Variants in PCDHGA2 observed in about 807,000 individuals in gnomAD.
The protein encoded by PCDHGA2 is protocadherin gamma-A2.
A neutral mutation model predicts 59.2 loss-of-function variants in PCDHGA2; 40 were observed. The observed-to-expected ratio is 0.68, with a 90% CI of 0.52 to 0.88. The LOEUF is 0.88. PCDHGA2 is among the 40% of genes least tolerant of loss of function. The pLI, the probability that PCDHGA2 is intolerant of heterozygous loss-of-function variation, is 0.00. For missense variants in PCDHGA2, 1,226 were observed against 1,204.0 expected (o/e 1.02, Z -0.27); for synonymous variants, 560 against 526.0 (o/e 1.06, Z -0.89).
At chr5:141,408,524 G>A (rs1589673864) in intron 1 of PCDHGA2, 3 of 1,614,080 alleles carry the variant, frequency 1.9e-6, no homozygotes, top group Non-Finnish European at 1.7e-6. Context: ...GCAATTGGAA[G>A]CTGTGGTGGA....
rs780843098 is a variant in PCDHGA2 at position 141,431,185 on chromosome 5, T to C, written c.2425-63622T>C. On this transcript the variant is annotated intron_variant, in intron 1 of 3. Coordinates refer to ENST00000394576, the MANE Select transcript of PCDHGA2 (RefSeq NM_018915.4). The surrounding 1 kb of genome is among the most constrained non-coding windows in gnomAD (Gnocchi z 4.8). ...GTGAAAGTGAATTAGAAATAAAAAT[T>C]AGTGAAAATGCAGCCACTGAGATGC... The C allele has an allele frequency of 3.1e-6, 5 of 1,613,982 alleles. No homozygotes were observed. The highest frequency in any genetic ancestry group is 4.2e-6 in the Non-Finnish European group (5 of 1,180,016).
At chr5:141,413,844 C>A in intron 1 of PCDHGA2, 2 of 1,613,254 alleles carry the variant, frequency 1.2e-6, no homozygotes, top group Non-Finnish European at 1.7e-6. Context: ...ACGGGGGTGA[C>A]CCTCTCCGAT....
chr5:141,371,309 A>T (rs1046676611), intron 1 of PCDHGA2: 4 of 1,613,894 alleles, frequency 2.5e-6, no homozygotes, highest in African/African-American at 1.3e-5. Flanking sequence ...CCACTATTGG[A>T]GAACTGGACT....
At chr5:141,430,220 G>A (rs1216694883) in intron 1 of PCDHGA2, among the ~76,000 whole-genome samples, 1 of 148,674 alleles carries the variant, frequency 6.7e-6, no homozygotes, top group Non-Finnish European at 1.5e-5. Flanking sequence ...TATATTATAT[G>A]ATTTGTCAAA....
rs775132338 is a variant in PCDHGA2 at position 141,490,858 on chromosome 5, G to A, written c.2425-3949G>A. On this transcript the variant is annotated intron_variant, in intron 1 of 3. Coordinates refer to ENST00000394576, the MANE Select transcript of PCDHGA2 (RefSeq NM_018915.4). This position sits in a 1 kb window ranked among gnomAD's most constrained non-coding sequence, Gnocchi z 5.4. Reference sequence around the variant, plus strand: ...GATTGTGGTGGGGGTTCGAGACTCCGGCTCTCCCCCATTGCATGCCAACAC... The same window carrying A: ...GATTGTGGTGGGGGTTCGAGACTCCAGCTCTCCCCCATTGCATGCCAACAC... 14 of 1,613,704 alleles carry A rather than the reference G, an allele frequency of 8.7e-6. No homozygotes were observed. Among genetic ancestry groups the A allele is most frequent in the South Asian group, 2.2e-5 (2 of 91,068 alleles).
intron 1 of PCDHGA2, chr5:141,478,308 T>A: frequency 6.2e-7 from 1 of 1,614,050 alleles, no homozygotes; most frequent in Non-Finnish European, 8.5e-7. Context: ...CGAGCCCCGG[T>A]GAGCTCACTG....
At chr5:141,506,252 C>T (rs1158047426) in intron 3 of PCDHGA2, among the ~76,000 whole-genome samples, 1 of 151,968 alleles carries the variant, frequency 6.6e-6, no homozygotes, top group African/African-American at 2.4e-5. Flanking sequence ...AGTTCGAAAC[C>T]GGCCTGGCCA....
chr5:141,362,663 G>A, intron 1 of PCDHGA2: 1 of 1,339,920 alleles, frequency 7.5e-7, no homozygotes. Flanking sequence ...TTTGGCCAAT[G>A]TTGTGCCTTA....
rs996153387 is a variant in PCDHGA2, at chr5:141,491,985, G to A, written c.2425-2822G>A. 24 of 743,298 alleles carry A rather than the reference G, an allele frequency of 3.2e-5. No homozygotes were observed. Among genetic ancestry groups the A allele is most frequent in the Non-Finnish European group, 4.5e-5 (22 of 494,254 alleles). 46.0% of individuals were successfully genotyped at this position (743,298 alleles called of 1,614,324 possible). On this transcript the variant is annotated intron_variant, in intron 1 of 3. Transcript: ENST00000394576. The surrounding 1 kb of genome is among the most constrained non-coding windows in gnomAD (Gnocchi z 6.9). ...AGGCCGGGGCCTCCTTCGAGCTTCC[G>A]GTGAATTTCGGGCGATTTCCGCGGG...
In PCDHGA2 at chr5:141,487,135, A is replaced by T; in HGVS notation, c.2425-7672A>T. 6.2e-7 allele frequency: 1 copy of T among 1,613,544 alleles called. No individual in the cohort carries two copies. The highest frequency in any genetic ancestry group is 8.5e-7 in the Non-Finnish European group (1 of 1,179,856). ...TGGTAAAGGATAGTGGTAGTCCACC[A>T]CTCTCTACCTCTGTTACTCTCTTAG... On this transcript the variant is annotated intron_variant, in intron 1 of 3. Transcript: ENST00000394576. The surrounding 1 kb of genome is among the most constrained non-coding windows in gnomAD (Gnocchi z 5.0).
chr5:141,452,654 T>C (rs2098746449), intron 1 of PCDHGA2, among the ~76,000 whole-genome samples: 1 of 151,162 alleles, frequency 6.6e-6, no homozygotes, highest in Non-Finnish European at 1.5e-5. Context: ...ATTTGCTCCA[T>C]CCACTGCACT....
At position 141,498,971 on chromosome 5, in the gene PCDHGA2, G is replaced by GGGAAGGAAGGAA. The variant is rs201769957; in HGVS notation, c.2483+4152_2483+4163dup. On this transcript the variant is annotated intron_variant, in intron 2 of 3. Coordinates refer to ENST00000394576, the MANE Select transcript of PCDHGA2 (RefSeq NM_018915.4). ...AAAAAGAGAGAGAGGGAGGGAGGGA[G>GGGAAGGAAGGAA]GGAAGGAAGGAAGGAAGGAAGGAAG... 6.8e-3 allele frequency among the ~76,000 whole-genome samples: 758 copies of GGGAAGGAAGGAA among 111,036 alleles called. 12 individuals are homozygous for GGGAAGGAAGGAA. Among genetic ancestry groups the GGGAAGGAAGGAA allele is most frequent in the African/African-American group, 0.021 (585 of 27,816 alleles). 72.8% of individuals were successfully genotyped at this position (111,036 alleles called of 152,430 possible). A position where few individuals can be genotyped will look rare whatever the true frequency, so the allele number is the denominator to read the frequency against.
chr5:141,383,085 C>G (rs773972778), intron 1 of PCDHGA2: 15 of 1,613,862 alleles, frequency 9.3e-6, no homozygotes, highest in Non-Finnish European at 1.3e-5. Context: ...TGGCGGAGCG[C>G]GGAGTCCGCA....
In PCDHGA2 at chr5:141,423,756, G is replaced by A. The variant is rs544048105; in HGVS notation, c.2425-71051G>A. 1.6e-5 allele frequency: 7 copies of A among 448,620 alleles called. 1 individual carries two copies. Among genetic ancestry groups the A allele is most frequent in the Non-Finnish European group, 2.1e-5 (7 of 329,706 alleles). 27.8% of individuals were successfully genotyped at this position (448,620 alleles called of 1,614,324 possible). A position where few individuals can be genotyped will look rare whatever the true frequency, so the allele number is the denominator to read the frequency against. ...GCCTGTTATGAAAACTGTTTGGGGG[G>A]GGGGTGGGGCGGCATATATTTAGTT... On this transcript the variant is annotated intron_variant, in intron 1 of 3. Coordinates refer to ENST00000394576, the MANE Select transcript of PCDHGA2 (RefSeq NM_018915.4).
chr5:141,393,917 C>T (rs1429211009), intron 1 of PCDHGA2: 12 of 1,613,806 alleles, frequency 7.4e-6, no homozygotes, highest in Non-Finnish European at 1.7e-6. Context: ...TAATTGCCTT[C>T]TTGAGTGTGC....
chr5:141,350,458 T>TAG, intron 1 of PCDHGA2: 3 of 1,613,374 alleles, frequency 1.9e-6, no homozygotes, highest in Non-Finnish European at 2.5e-6. Flanking sequence ...AACTGCGGGT[T>TAG]AGTGCAGAGG....
At chr5:141,381,835 T>C (rs1342005630) in intron 1 of PCDHGA2, among the ~76,000 whole-genome samples, 58 of 141,162 alleles carry the variant, frequency 4.1e-4, no homozygotes, top group African/African-American at 1.5e-3. Context: ...TCTTTTTTTT[T>C]TTTTTTTTTT....
At chr5:141,439,124 CAG>C (rs2098089371) in intron 1 of PCDHGA2, among the ~76,000 whole-genome samples, 1 of 150,004 alleles carries the variant, frequency 6.7e-6, no homozygotes, top group Non-Finnish European at 1.5e-5. Flanking sequence ...ACCCGGGAGA[CAG>C]AGGTTGCAGT....
chr5:141,423,957 T>G, intron 1 of PCDHGA2: 1 of 1,183,084 alleles, frequency 8.5e-7, no homozygotes, highest in Non-Finnish European at 1.1e-6. Context: ...TTTAGTATTA[T>G]TTTTCTATTA....
Sources: allele counts gnomAD v4.1 joint callset (sites outside exome capture counted in the v4.1 genomes callset), GRCh38; gene constraint gnomAD v4.1.1; non-coding constraint Gnocchi (gnomAD v3.1); transcripts MANE v1.5; gene names NCBI Gene and HGNC (gene_info 2026-07-23, HGNC 2026-07-21).